Variants in SULT2B1 observed in about 807,000 individuals in gnomAD.
The protein encoded by SULT2B1 is sulfotransferase 2B1.
In SULT2B1, 16 loss-of-function variants were observed where a neutral mutation model predicts 33.2. The observed-to-expected ratio is 0.48, with a 90% CI of 0.33 to 0.73. The LOEUF is 0.73. SULT2B1 is among the 30% of genes least tolerant of loss of function. SULT2B1 has a pLI of 0.02. For synonymous variants in SULT2B1, 186 were observed against 200.5 expected, an observed-to-expected ratio of 0.93 and a Z score of 0.61; for missense variants, 500 against 506.0, an observed-to-expected ratio of 0.99 and a Z score of 0.11.
At chr19:48,587,626 T>A (rs889123982) in intron 3 of SULT2B1, among the ~76,000 whole-genome samples, 189 bp downstream of exon 3, 6 of 152,124 alleles carry the variant, frequency 3.9e-5, no homozygotes, top group African/African-American at 1.4e-4. Flanking sequence ...GAGTGATGGC[T>A]CATGCCTGTA....
intron 5 of SULT2B1, 82 bp from the exon 6 acceptor site, chr19:48,596,657 C>G: frequency 7.0e-7 from 1 of 1,429,690 alleles, no homozygotes. Flanking sequence ...CAGGTTAGGA[C>G]CCAGACATGC....
At chr19:48,594,573 C>T (rs937606276) in intron 5 of SULT2B1, among the ~76,000 whole-genome samples, 4 of 152,166 alleles carry the variant, frequency 2.6e-5, no homozygotes, top group Admixed American at 6.5e-5. Flanking sequence ...GGGTGTGAGG[C>T]GCCGCCCACA....
At chr19:48,569,630 T>C (rs1056225415) in intron 1 of SULT2B1, among the ~76,000 whole-genome samples, 2 of 151,292 alleles carry the variant, frequency 1.3e-5, no homozygotes, top group Non-Finnish European at 2.9e-5. Context: ...TCCCAAAGTG[T>C]TGGGATTACA....
rs1194313702 is a variant in SULT2B1, at chr19:48,566,621, T to C, written c.72-9320T>C. Among the ~76,000 whole-genome samples the C allele has an allele frequency of 2.0e-5, 3 of 151,830 alleles. No individual in the cohort carries two copies. The East Asian group carries it at 5.8e-4, about 30-fold the overall frequency. On this transcript the variant is annotated intron_variant, in intron 1 of 6. Transcript: ENST00000201586. ...TTTTGGGAGACTGAGGCGGGTGGATTGCTTGAGCTCGGGAGTTCCAGACCA... is the reference window on the plus strand; with the variant it reads ...TTTTGGGAGACTGAGGCGGGTGGATCGCTTGAGCTCGGGAGTTCCAGACCA...
chr19:48,557,766 A>C (rs1298969386), intron 1 of SULT2B1, among the ~76,000 whole-genome samples: 2 of 151,134 alleles, frequency 1.3e-5, no homozygotes, highest in Admixed American at 1.3e-4. Flanking sequence ...AAAATAGAAA[A>C]AAGTCAGCCG....
intron 2 of SULT2B1, among the ~76,000 whole-genome samples, chr19:48,585,072 A>AG (rs887273967): frequency 3.0e-5 from 4 of 135,312 alleles, no homozygotes; most frequent in African/African-American, 1.0e-4. Flanking sequence ...AAAAAAAAAA[A>AG]GCTGGGTACA....
intron 6 of SULT2B1, among the ~76,000 whole-genome samples, chr19:48,598,011 C>T (rs1444473580): frequency 3.9e-5 from 6 of 152,262 alleles, no homozygotes; most frequent in Admixed American, 3.9e-4. Flanking sequence ...CACCCAGATA[C>T]TTCAGGGTCC....
chr19:48,574,063 T>C (rs1466567417), intron 1 of SULT2B1, among the ~76,000 whole-genome samples: 1 of 152,166 alleles, frequency 6.6e-6, no homozygotes, highest in Non-Finnish European at 1.5e-5. Context: ...GTTCTCGCTA[T>C]GTTGCTCATG....
At chr19:48,591,508 T>G in intron 3 of SULT2B1, 101 bp from the exon 4 acceptor site, 1 of 1,376,722 alleles carries the variant, frequency 7.3e-7, no homozygotes, top group Non-Finnish European at 9.7e-7. Context: ...CCTTCCTGCT[T>G]CAGGGTCAGA....
At chr19:48,579,368 C>T (rs1236141538) in intron 2 of SULT2B1, among the ~76,000 whole-genome samples, 1 of 150,494 alleles carries the variant, frequency 6.6e-6, no homozygotes, top group Admixed American at 6.6e-5. Context: ...CTGCAAACTC[C>T]GCCTCCCGAG....
intron 5 of SULT2B1, among the ~76,000 whole-genome samples, chr19:48,594,141 G>A (rs1264234396): frequency 6.6e-6 from 1 of 151,690 alleles, no homozygotes; most frequent in Non-Finnish European, 1.5e-5. Flanking sequence ...GGCGCCTGTA[G>A]CCCCAGCTAC....
chr19:48,599,179 G>A lies in SULT2B1; in HGVS notation c.871G>A (p.Glu291Lys), dbSNP rs1185409960. The change falls in exon 7 of 7, where the codon GAA becomes AAA. Residue 291 changes from glutamate (E) to lysine (K), a missense_variant. By Grantham distance (56) the Glu-to-Lys change is moderately conservative. Coordinates refer to ENST00000201586, the MANE Select transcript of SULT2B1 (RefSeq NM_177973.2). This position sits in a 1 kb window ranked among gnomAD's most constrained non-coding sequence, Gnocchi z 4.1. ...GAACCACTTCACGGTGGCCCAGAGC[G>A]AAGCCTTCGATCGTGCCTACCGCAA... ...WKNHFTVAQS[E>K]AFDRAYRKQM... 4.4e-6 allele frequency: 7 copies of A among 1,599,842 alleles called. No homozygotes were observed. Among genetic ancestry groups the A allele is most frequent in the Middle Eastern group, 1.7e-4 (1 of 5,942 alleles).
At chr19:48,553,424 C>T (rs1327812585) in intron 1 of SULT2B1, among the ~76,000 whole-genome samples, 1 of 152,238 alleles carries the variant, frequency 6.6e-6, no homozygotes, top group Admixed American at 6.5e-5. Flanking sequence ...TCTCCAGCCT[C>T]AGCTTCCCAA....
intron 2 of SULT2B1, among the ~76,000 whole-genome samples, chr19:48,578,861 G>A (rs1206368027): frequency 1.3e-5 from 2 of 152,062 alleles, no homozygotes; most frequent in East Asian, 1.9e-4. Context: ...TGGCGATAGG[G>A]CAAGACCCTG....
intron 1 of SULT2B1, among the ~76,000 whole-genome samples, chr19:48,560,055 C>T (rs1973156729): frequency 6.6e-6 from 1 of 152,060 alleles, no homozygotes; most frequent in Admixed American, 6.6e-5. Context: ...GAGCTGGGAC[C>T]CTCCTGGTAG....
At chr19:48,556,349 A>G (rs1973100113) in intron 1 of SULT2B1, among the ~76,000 whole-genome samples, 1 of 152,174 alleles carries the variant, frequency 6.6e-6, no homozygotes, top group Non-Finnish European at 1.5e-5. Flanking sequence ...AAAGGACGTC[A>G]AGAATGAATG....
At chr19:48,576,167 AG>A in intron 2 of SULT2B1, 84 bp downstream of exon 2, 1 of 1,269,044 alleles carries the variant, frequency 7.9e-7, no homozygotes, top group Non-Finnish European at 1.1e-6. Context: ...ATAGAGAAGG[AG>A]GGGAGGAGGA....
chr19:48,568,963 G>A (rs1973280918), intron 1 of SULT2B1, among the ~76,000 whole-genome samples: 1 of 152,178 alleles, frequency 6.6e-6, no homozygotes, highest in African/African-American at 2.4e-5. Flanking sequence ...TTGCTCAGAT[G>A]TCGAGTTCCC....
chr19:48,599,095 C>T lies in SULT2B1; in HGVS notation c.827-40C>T. 6.5e-7 allele frequency: 1 copy of T among 1,543,950 alleles called. No individual in the cohort carries two copies. Among genetic ancestry groups the T allele is most frequent in the African/African-American group, 1.4e-5 (1 of 73,220 alleles). ...TGTTGGAGGTAGGGGCGCAGTGCTC[C>T]CCAGAGGCTCCTCACCCCCTGGTGC... On this transcript the variant is annotated intron_variant, in intron 6 of 6. Coordinates refer to ENST00000201586, the MANE Select transcript of SULT2B1 (RefSeq NM_177973.2). The surrounding 1 kb of genome is among the most constrained non-coding windows in gnomAD (Gnocchi z 4.1).
Sources: allele counts gnomAD v4.1 joint callset (sites outside exome capture counted in the v4.1 genomes callset), GRCh38; gene constraint gnomAD v4.1.1; non-coding constraint Gnocchi (gnomAD v3.1); transcripts MANE v1.5; gene names NCBI Gene and HGNC (gene_info 2026-07-23, HGNC 2026-07-21).